The following CLCN6 variants were observed in gnomAD, a reference collection of about 807,000 sequenced individuals.
CLCN6 encodes the protein H(+)/Cl(-) exchange transporter 6.
A neutral mutation model predicts 109.8 loss-of-function variants in CLCN6; 70 were observed. That is an observed-to-expected ratio of 0.64 (90% CI 0.53 to 0.78). The LOEUF is 0.78. CLCN6 is among the 30% of genes least tolerant of loss of function. CLCN6 has a pLI of 0.00. For synonymous variants in CLCN6, 444 were observed against 447.8 expected (o/e 0.99, Z 0.11); for missense variants, 984 against 1,142.3 (o/e 0.86, Z 2.00).
At chr1:11,817,316 G>A (rs1461366641) in intron 4 of CLCN6, among the ~76,000 whole-genome samples, 1 of 152,182 alleles carries the variant, frequency 6.6e-6, no homozygotes, top group Non-Finnish European at 1.5e-5. Context: ...ATTTAGCACA[G>A]CGTGCCAGTG....
chr1:11,842,699 G>A lies in CLCN6; in HGVS notation c.*2476G>A, dbSNP rs761691531. On this transcript the variant is annotated 3_prime_UTR_variant, in exon 23 of 23. Coordinates refer to ENST00000346436, the MANE Select transcript of CLCN6 (RefSeq NM_001286.5). Reference sequence around the variant, plus strand: ...GAGGTGATCAGGGAGTGGGGCCAATGGGCCCCCGGCCCTGGCTTTGGGACC... The same window carrying A: ...GAGGTGATCAGGGAGTGGGGCCAATAGGCCCCCGGCCCTGGCTTTGGGACC... 6 of 152,326 alleles carry A rather than the reference G, an allele frequency of 3.9e-5. No homozygotes were observed. Among genetic ancestry groups the A allele is most frequent in the Non-Finnish European group, 8.8e-5 (6 of 68,062 alleles). The allele number at this position is 152,326 out of a possible 1,614,324, so 9.4% of individuals were successfully genotyped here.
chr1:11,829,601 C>A (rs937640589), intron 13 of CLCN6, among the ~76,000 whole-genome samples: 4 of 140,254 alleles, frequency 2.9e-5, no homozygotes, highest in Admixed American at 7.1e-5. Context: ...TGGGAACAAC[C>A]CTGGCGTCAC....
chr1:11,839,989 C>A (rs1359157529), intron 22 of CLCN6, among the ~76,000 whole-genome samples, 154 bp from the exon 23 acceptor site: 6 of 152,222 alleles, frequency 3.9e-5, no homozygotes, highest in Non-Finnish European at 8.8e-5. Context: ...TGTGTGAGCC[C>A]TCGTTAGCTG....
chr1:11,813,344 A>C (rs1644626774), intron 2 of CLCN6, among the ~76,000 whole-genome samples: 1 of 152,142 alleles, frequency 6.6e-6, no homozygotes, highest in Admixed American at 6.5e-5. Context: ...TCTAGTTTCT[A>C]AAAGTACTTT....
chr1:11,821,916 TTGTG>T lies in CLCN6; in HGVS notation c.347-775_347-772del, dbSNP rs372735736. On this transcript the variant is annotated intron_variant, in intron 5 of 22. Transcript: ENST00000346436. Reference sequence around the variant, plus strand: ...AAGTGAAAGTGAACGAACCACAGAGTTGTGTGTATCAACATGGCTAATTCTCAAA... The same window carrying T: ...AAGTGAAAGTGAACGAACCACAGAGTTGTATCAACATGGCTAATTCTCAAA... 7.8e-3 allele frequency among the ~76,000 whole-genome samples: 1,177 copies of T among 151,556 alleles called. 16 individuals are homozygous for T. The highest frequency in any genetic ancestry group is 0.027 in the African/African-American group (1,101 of 41,292).
chr1:11,807,632 C>T (rs960910138), intron 2 of CLCN6, among the ~76,000 whole-genome samples: 1 of 152,198 alleles, frequency 6.6e-6, no homozygotes, highest in African/African-American at 2.4e-5. Context: ...GATTAAGTTC[C>T]ACCTTTCATG....
At chr1:11,810,668 AAGTT>A (rs1390055314) in intron 2 of CLCN6, among the ~76,000 whole-genome samples, 1 of 152,258 alleles carries the variant, frequency 6.6e-6, no homozygotes, top group African/African-American at 2.4e-5. Flanking sequence ...CAGAAATAAA[AAGTT>A]AGTCATAGCA....
At chr1:11,839,511 C>G (rs1338285409) in intron 22 of CLCN6, among the ~76,000 whole-genome samples, 3 of 152,240 alleles carry the variant, frequency 2.0e-5, no homozygotes, top group Non-Finnish European at 2.9e-5. Context: ...ATTCACCTGC[C>G]TCGGCCTCCC....
intron 20 of CLCN6, among the ~76,000 whole-genome samples, chr1:11,837,729 C>T (rs1240337830): frequency 6.6e-6 from 1 of 152,142 alleles, no homozygotes; most frequent in Non-Finnish European, 1.5e-5. Context: ...ACCAGGGCAG[C>T]GCTCCCTGGC....
At position 11,834,171 on chromosome 1, in the gene CLCN6, G is replaced by A; in HGVS notation, c.1527-65G>A. The A allele has an allele frequency of 6.3e-7, 1 of 1,596,072 alleles. No individual in the cohort carries two copies. The highest frequency in any genetic ancestry group is 1.1e-5 in the South Asian group (1 of 89,246). On this transcript the variant is annotated intron_variant, in intron 15 of 22. Coordinates refer to ENST00000346436, the MANE Select transcript of CLCN6 (RefSeq NM_001286.5). The surrounding 1 kb of genome is among the most constrained non-coding windows in gnomAD (Gnocchi z 4.5). ...GTGCATAGGCACAAGAGTATGAGCT[G>A]TAGGTCCTCCCCACAGCCTATCAGT...
chr1:11,826,782 G>T (rs948429450), intron 9 of CLCN6, among the ~76,000 whole-genome samples: 3 of 152,168 alleles, frequency 2.0e-5, no homozygotes, highest in Non-Finnish European at 4.4e-5. Flanking sequence ...AGCAGTGATC[G>T]TGCCGATCTT....
At chr1:11,827,646 T>C (rs1319282207) in intron 10 of CLCN6, among the ~76,000 whole-genome samples, 1 of 118,146 alleles carries the variant, frequency 8.5e-6, no homozygotes, top group Non-Finnish European at 1.8e-5. Context: ...CATCAGGTGA[T>C]CCACCCGCCT....
At chr1:11,832,091 T>C (rs879785609) in intron 13 of CLCN6, among the ~76,000 whole-genome samples, 3 of 152,232 alleles carry the variant, frequency 2.0e-5, no homozygotes, top group Non-Finnish European at 4.4e-5. Context: ...TTAATCCTTA[T>C]CAGCACTGTG....
intron 9 of CLCN6, 93 bp downstream of exon 9, chr1:11,826,307 C>T: frequency 1.8e-6 from 2 of 1,083,512 alleles, no homozygotes; most frequent in Non-Finnish European, 2.8e-6. Context: ...CTGGCAGTAT[C>T]CCCTGCGGGG....
chr1:11,815,922 C>T lies in CLCN6; in HGVS notation c.213+11C>T, dbSNP rs146547070. ...ACCATGGATAATAAGGTGGGTCTTACAATTCTTCATCTCTGGGGATCAAAT... is the reference window on the plus strand; with the variant it reads ...ACCATGGATAATAAGGTGGGTCTTATAATTCTTCATCTCTGGGGATCAAAT... On this transcript the variant is annotated intron_variant, in intron 3 of 22. Transcript: ENST00000346436. 4 of 1,595,400 alleles carry T rather than the reference C, an allele frequency of 2.5e-6. No homozygotes were observed. In the African/African-American group the frequency reaches 5.4e-5, roughly 21 times the overall value.
At chr1:11,838,773 AGT>A (rs1290193601) in intron 22 of CLCN6, 113 bp downstream of exon 22, 1 of 1,481,648 alleles carries the variant, frequency 6.7e-7, no homozygotes, top group African/African-American at 1.4e-5. Flanking sequence ...AGGAGGGGAG[AGT>A]GTGGCCCAAC....
chr1:11,827,033 A>G (rs1644819819), intron 9 of CLCN6, 56 bp from the exon 10 acceptor site: 1 of 1,592,990 alleles, frequency 6.3e-7, no homozygotes, highest in East Asian at 2.2e-5. Flanking sequence ...GTCAGAAACC[A>G]CCTTTTGGGG....
chr1:11,838,740 A>AC (rs780102344), intron 22 of CLCN6, 80 bp downstream of exon 22: 2 of 1,601,376 alleles, frequency 1.2e-6, no homozygotes, highest in Non-Finnish European at 1.7e-6. Context: ...CAGGCTTCTC[A>AC]CCAGAAACGT....
intron 10 of CLCN6, 61 bp downstream of exon 10, chr1:11,827,282 T>TA: frequency 6.5e-7 from 1 of 1,538,332 alleles, no homozygotes. Context: ...GGGTGTCCCT[T>TA]ACTCGGTACA....
Sources: allele counts gnomAD v4.1 joint callset (sites outside exome capture counted in the v4.1 genomes callset), GRCh38; gene constraint gnomAD v4.1.1; non-coding constraint Gnocchi (gnomAD v3.1); transcripts MANE v1.5; gene names NCBI Gene and HGNC (gene_info 2026-07-23, HGNC 2026-07-21).